The following HBS1L variants were observed in gnomAD, a reference collection of about 807,000 sequenced individuals.
HBS1L encodes the protein HBS1 like translational GTPase, also known as HBS1-like protein.
In HBS1L, 55 loss-of-function variants were observed where a neutral mutation model predicts 88.9. That is an observed-to-expected ratio of 0.62 (90% CI 0.50 to 0.77). HBS1L has a LOEUF of 0.77. Ranked by LOEUF, HBS1L falls within the 30% of genes least tolerant of loss-of-function variation. HBS1L has a pLI of 0.00. For missense variants in HBS1L, 741 were observed against 829.3 expected, an observed-to-expected ratio of 0.89 and a Z score of 1.31; for synonymous variants, 267 against 288.5, an observed-to-expected ratio of 0.93 and a Z score of 0.76.
In HBS1L at chr6:135,039,651, C is replaced by T. The variant is rs145770005; in HGVS notation, c.352G>A (p.Gly118Arg). The change falls in exon 4 of 18, where the codon GGG becomes AGG. Residue 118 changes from glycine (G) to arginine (R), a missense_variant. Transcript: ENST00000367837. ...TGCACTCTATCTTGTTCCAGAACCC[C>T]TGACAAAGCCTTCTGCACATCAAAC... ...NKFDVQKALS[G>R]VLEQDRVQSL... 28 of 1,614,128 alleles carry T rather than the reference C, an allele frequency of 1.7e-5. No homozygotes were observed. The African/African-American group carries it at 3.6e-4, about 21-fold the overall frequency.
chr6:135,036,928 G>A, intron 4 of HBS1L: 1 of 1,551,596 alleles, frequency 6.4e-7, no homozygotes, highest in Non-Finnish European at 8.7e-7. Context: ...TGGAGCAATG[G>A]ATGGGTCTAC....
At chr6:134,979,100 C>T in intron 14 of HBS1L, 78 bp downstream of exon 14, 2 of 957,516 alleles carry the variant, frequency 2.1e-6, no homozygotes, top group East Asian at 2.5e-5. Context: ...ATTGAACTAG[C>T]AGGTTGCAAA....
At chr6:135,040,125 G>A (rs955858629) in intron 3 of HBS1L, among the ~76,000 whole-genome samples, 6 of 152,250 alleles carry the variant, frequency 3.9e-5, no homozygotes, top group Admixed American at 1.3e-4. Context: ...AGGGGTGAGT[G>A]TGGAACTATT....
chr6:135,054,281 G>A (rs1161289156), intron 1 of HBS1L, among the ~76,000 whole-genome samples: 3 of 152,370 alleles, frequency 2.0e-5, no homozygotes, highest in Middle Eastern at 3.4e-3. Context: ...TTTCTCAAAG[G>A]GGATCTGGGA....
Position 135,032,500 on chromosome 6 carries a change from A to G in HBS1L, c.430+7073T>C, listed in dbSNP as rs80320936. ...ACATTTATATATAATCTGTTTATAT[A>G]TAAAACAATTTCTAAACTATTATAA... On this transcript the variant is annotated intron_variant, in intron 4 of 17. Coordinates refer to ENST00000367837, the MANE Select transcript of HBS1L (RefSeq NM_006620.4). Among the ~76,000 whole-genome samples the G allele has an allele frequency of 6.9e-3, 1,049 of 152,270 alleles. 13 individuals carry two copies. The highest frequency in any genetic ancestry group is 0.024 in the African/African-American group (988 of 41,560).
intron 8 of HBS1L, among the ~76,000 whole-genome samples, chr6:134,991,034 GAA>G (rs367791186): frequency 1.5e-5 from 2 of 134,014 alleles, no homozygotes; most frequent in Non-Finnish European, 1.6e-5. Flanking sequence ...AGTAATCAAT[GAA>G]AAAAAAAAAG....
At chr6:134,967,989 A>G (rs905804679) in intron 16 of HBS1L, among the ~76,000 whole-genome samples, 4 of 152,174 alleles carry the variant, frequency 2.6e-5, no homozygotes, top group Admixed American at 1.3e-4. Context: ...GGAGAGAGGT[A>G]AAGTAGCCCT....
intron 4 of HBS1L, among the ~76,000 whole-genome samples, chr6:135,026,014 C>T (rs1776217358): frequency 6.6e-6 from 1 of 152,156 alleles, no homozygotes; most frequent in Admixed American, 6.5e-5. Flanking sequence ...CAATAGAAAA[C>T]AGTAGAGCAA....
rs2114735561 is a variant in HBS1L, at chr6:134,965,013, C to T, written c.*266G>A. 1 of 496,246 alleles carries T rather than the reference C, an allele frequency of 2.0e-6. No individual in the cohort carries two copies. The highest frequency in any genetic ancestry group is 3.7e-5 in the East Asian group (1 of 26,962). The allele number at this position is 496,246 out of a possible 1,614,324, so 30.7% of individuals were successfully genotyped here. A position where few individuals can be genotyped will look rare whatever the true frequency, so the allele number is the denominator to read the frequency against. ...TTCAGATACTATTTTTGACACTTGC[C>T]ATAAATCTTAGCAAAGTAAATCCAT... On this transcript the variant is annotated 3_prime_UTR_variant, in exon 18 of 18. Transcript: ENST00000367837.
chr6:135,052,396 G>T (rs9373122), intron 1 of HBS1L, among the ~76,000 whole-genome samples: 1 of 151,560 alleles, frequency 6.6e-6, no homozygotes, highest in Non-Finnish European at 1.5e-5. Context: ...CAACACAGCC[G>T]GATGCTGTCT....
intron 16 of HBS1L, among the ~76,000 whole-genome samples, chr6:134,968,495 C>T (rs1465354067): frequency 6.6e-6 from 1 of 152,102 alleles, no homozygotes; most frequent in Non-Finnish European, 1.5e-5. Context: ...GTGATCTGCC[C>T]GCCTTGGCCT....
intron 13 of HBS1L, among the ~76,000 whole-genome samples, chr6:134,981,064 G>C (rs1774817146): frequency 6.6e-6 from 1 of 151,930 alleles, no homozygotes; most frequent in African/African-American, 2.4e-5. Flanking sequence ...ACAGAGAAGA[G>C]GAGGGTAAAG....
At position 135,000,222 on chromosome 6, in the gene HBS1L, A is replaced by ATTTTTTTTTTTTTTT. The variant is rs33946758; in HGVS notation, c.539+2497_539+2511dup. On this transcript the variant is annotated intron_variant, in intron 5 of 17. Coordinates refer to ENST00000367837, the MANE Select transcript of HBS1L (RefSeq NM_006620.4). Reference sequence around the variant, plus strand: ...AGGCAAGCACCACTATACCCAGCTAATTTTTTTTTTTTTTTGGTAGAGATG... The same window carrying ATTTTTTTTTTTTTTT: ...AGGCAAGCACCACTATACCCAGCTAATTTTTTTTTTTTTTTTTTTTTTTTTTTTTTGGTAGAGATG... 3.8e-3 allele frequency among the ~76,000 whole-genome samples: 490 copies of ATTTTTTTTTTTTTTT among 129,310 alleles called. 30 individuals carry two copies. The highest frequency in any genetic ancestry group is 0.016 in the African/African-American group (465 of 28,816). The allele number at this position is 129,310 out of a possible 152,430, so 84.8% of individuals were successfully genotyped here.
At chr6:134,966,559 T>C (rs780422095) in intron 16 of HBS1L, 86 bp from the exon 17 acceptor site, 122 of 868,338 alleles carry the variant, frequency 1.4e-4, no homozygotes, top group Non-Finnish European at 3.5e-5. Flanking sequence ...ATATTTCACA[T>C]TTAACCAACA....
Position 134,965,089 on chromosome 6 carries a change from C to T in HBS1L, c.*190G>A. Reference sequence around the variant, plus strand: ...GTTTTTAACATTAGACTTTCTTTGCCAGTTGGCAACTTAGAATTTTTGCAG... The same window carrying T: ...GTTTTTAACATTAGACTTTCTTTGCTAGTTGGCAACTTAGAATTTTTGCAG... On this transcript the variant is annotated 3_prime_UTR_variant, in exon 18 of 18. Coordinates refer to ENST00000367837, the MANE Select transcript of HBS1L (RefSeq NM_006620.4). 3.4e-6 allele frequency: 2 copies of T among 591,684 alleles called. No homozygotes were observed. Among genetic ancestry groups the T allele is most frequent in the Non-Finnish European group, 5.9e-6 (2 of 336,342 alleles). 36.7% of individuals were successfully genotyped at this position (591,684 alleles called of 1,614,324 possible).
At chr6:135,050,300 A>T (rs552955324) in intron 2 of HBS1L, among the ~76,000 whole-genome samples, 1 of 152,326 alleles carries the variant, frequency 6.6e-6, no homozygotes, top group South Asian at 2.1e-4. Context: ...TTATTGACTA[A>T]ATTACCATTT....
intron 15 of HBS1L, among the ~76,000 whole-genome samples, chr6:134,975,379 T>C (rs1774613794): frequency 1.3e-5 from 2 of 152,042 alleles, no homozygotes; most frequent in Admixed American, 6.6e-5. Context: ...AATACTAACA[T>C]CATTTTCCAC....
chr6:134,995,941 T>C (rs944436621), intron 7 of HBS1L, among the ~76,000 whole-genome samples: 6 of 152,102 alleles, frequency 3.9e-5, no homozygotes, highest in African/African-American at 1.4e-4. Context: ...ATGGAGACTA[T>C]CCAAGACTGC....
At chr6:135,046,898 C>T (rs1285817685) in intron 2 of HBS1L, among the ~76,000 whole-genome samples, 3 of 152,156 alleles carry the variant, frequency 2.0e-5, no homozygotes. Flanking sequence ...AAATATACCA[C>T]TATAGAGGAA....
Sources: gnomAD v4.1 joint callset for allele counts (sites outside exome capture counted in the v4.1 genomes callset) on GRCh38, gnomAD v4.1.1 for gene constraint, MANE v1.5 for transcripts, NCBI Gene and HGNC (gene_info 2026-07-23, HGNC 2026-07-21) for gene names.